LRRC37A: variants seen among roughly 807,000 people sequenced by gnomAD.
The protein encoded by LRRC37A is leucine rich repeat containing 37A.
LRRC37A carries 3 observed loss-of-function variants against 35.4 expected under a neutral mutation model. The ratio of observed to expected loss-of-function variants is 0.08; its 90% CI spans 0.04 to 0.22. LRRC37A has a LOEUF of 0.22. Ranked by LOEUF, LRRC37A falls within the 10% of genes least tolerant of loss-of-function variation. The probability of loss-of-function intolerance (pLI) is 1.00; values close to 1 mark genes in which losing one functional copy is unlikely to be tolerated. For synonymous variants in LRRC37A, 23 were observed against 215.0 expected, an observed-to-expected ratio of 0.11 and a Z score of 7.81; for missense variants, 67 against 565.3, an observed-to-expected ratio of 0.12 and a Z score of 8.94.
the LRRC37A span, among the ~76,000 whole-genome samples, chr17:46,282,354 C>T: frequency 9.9e-5 from 15 of 152,078 alleles, no homozygotes; most frequent in Admixed American, 7.2e-4. Flanking sequence ...CCGCCCCACT[C>T]GGCCTCCCAA....
the LRRC37A span, among the ~76,000 whole-genome samples, chr17:46,268,020 G>A: frequency 6.7e-6 from 1 of 149,392 alleles, no homozygotes; most frequent in South Asian, 2.1e-4. Context: ...CCTGCCCTCA[G>A]CCTCCCAAGT....
chr17:46,251,788 A>G, the LRRC37A span, among the ~76,000 whole-genome samples: 1 of 148,740 alleles, frequency 6.7e-6, no homozygotes, highest in Non-Finnish European at 1.5e-5. Flanking sequence ...TAAGGGAGTA[A>G]GTCAGAGGTG....
At chr17:46,275,229 A>C in the LRRC37A span, 1 of 374,208 alleles carries the variant, frequency 2.7e-6, no homozygotes, top group South Asian at 3.8e-5. Context: ...AAAATTGGCC[A>C]ATAATATAAT....
intron 5 of LRRC37A, among the ~76,000 whole-genome samples, chr17:46,315,950 GTC>G (rs2051077344): frequency 1.5e-5 from 1 of 65,168 alleles, no homozygotes; most frequent in Admixed American, 1.6e-4. Flanking sequence ...TTGGGACAGA[GTC>G]TCACTCTGTT....
At chr17:46,333,117 AC>A (rs1164581518) in intron 10 of LRRC37A, among the ~76,000 whole-genome samples, 1 of 120,120 alleles carries the variant, frequency 8.3e-6, no homozygotes, top group Non-Finnish European at 1.9e-5. Context: ...TTAGATTTAC[AC>A]AGTATCATCC....
chr17:46,272,394 T>C, the LRRC37A span, among the ~76,000 whole-genome samples: 1 of 152,206 alleles, frequency 6.6e-6, no homozygotes, highest in African/African-American at 2.4e-5. Context: ...CATTATGTTC[T>C]AAAAAATGTA....
chr17:46,275,783 G>A, the LRRC37A span, among the ~76,000 whole-genome samples: 1 of 152,162 alleles, frequency 6.6e-6, no homozygotes, highest in East Asian at 1.9e-4. Context: ...ACACGGATGA[G>A]GGGAATATAA....
chr17:46,259,336 G>A, the LRRC37A span, among the ~76,000 whole-genome samples: 1 of 152,170 alleles, frequency 6.6e-6, no homozygotes, highest in African/African-American at 2.4e-5. Flanking sequence ...TGGGCTGGGA[G>A]GGGGAGGGCA....
At chr17:46,288,531 C>T (rs2696492), upstream of LRRC37A, among the ~76,000 whole-genome samples, 19,785 of 151,554 alleles carry the variant, frequency 0.13, 5 homozygotes, top group Middle Eastern at 0.2. Context: ...CTCCTGACTT[C>T]AGGCGATCCA....
chr17:46,256,133 G>GCA, the LRRC37A span, among the ~76,000 whole-genome samples: 1 of 151,742 alleles, frequency 6.6e-6, no homozygotes, highest in South Asian at 2.1e-4. Context: ...CCCTGAAATC[G>GCA]CAGCACTTTG....
At chr17:46,317,160 G>C (rs1266509775) in intron 5 of LRRC37A, among the ~76,000 whole-genome samples, 1 of 90,198 alleles carries the variant, frequency 1.1e-5, no homozygotes, top group Non-Finnish European at 3.2e-5. Flanking sequence ...GCCGGGCAGA[G>C]GCGCTCCTCA....
At chr17:46,266,887 G>C in the LRRC37A span, 1 of 331,872 alleles carries the variant, frequency 3.0e-6, no homozygotes, top group African/African-American at 2.2e-5. Flanking sequence ...AGGAAGCCCC[G>C]AGACGCGCGC....
the LRRC37A span, among the ~76,000 whole-genome samples, chr17:46,267,924 A>T: frequency 9.6e-6 from 1 of 103,860 alleles, no homozygotes; most frequent in East Asian, 2.4e-4. Flanking sequence ...TTTTTTAGAC[A>T]GAGTCTCGCT....
At chr17:46,292,149 T>C (rs868579695), upstream of LRRC37A, among the ~76,000 whole-genome samples, 7 of 125,466 alleles carry the variant, frequency 5.6e-5, no homozygotes, top group African/African-American at 1.4e-4. Flanking sequence ...TTGGCTAACA[T>C]GGTGAAACCC....
the LRRC37A span, among the ~76,000 whole-genome samples, chr17:46,273,983 G>A: frequency 6.6e-6 from 1 of 152,232 alleles, no homozygotes; most frequent in East Asian, 1.9e-4. Context: ...TCGTTAGTAT[G>A]ATCAACTGAT....
At chr17:46,265,923 C>T in the LRRC37A span, among the ~76,000 whole-genome samples, 1 of 152,232 alleles carries the variant, frequency 6.6e-6, no homozygotes, top group Non-Finnish European at 1.5e-5. Flanking sequence ...ACGGTGAAAC[C>T]CCGTCTCTGC....
intron 7 of LRRC37A, among the ~76,000 whole-genome samples, chr17:46,323,950 C>T (rs1205027340): frequency 2.0e-5 from 2 of 101,362 alleles, no homozygotes; most frequent in African/African-American, 6.4e-5. Context: ...AGGCTGTATA[C>T]AAACATTATG....
chr17:46,254,637 G>A, the LRRC37A span, among the ~76,000 whole-genome samples: 1 of 151,710 alleles, frequency 6.6e-6, no homozygotes, highest in Admixed American at 6.6e-5. Context: ...CACCTCCTGG[G>A]TTGAAGCGAT....
chr17:46,267,590 C>T, the LRRC37A span: 5 of 1,607,240 alleles, frequency 3.1e-6, no homozygotes, highest in Non-Finnish European at 4.3e-6. Flanking sequence ...TGCCACAGCC[C>T]GGGCTGTGGG....
Sources: gnomAD v4.1 joint callset for allele counts (sites outside exome capture counted in the v4.1 genomes callset) on GRCh38, gnomAD v4.1.1 for gene constraint, MANE v1.5 for transcripts, NCBI Gene and HGNC (gene_info 2026-07-23, HGNC 2026-07-21) for gene names.